Variants in DCX observed in about 807,000 individuals in gnomAD.
The protein encoded by DCX is doublecortin, also known as neuronal migration protein doublecortin.
Under a neutral mutation model 20.9 loss-of-function variants are expected in DCX, and 4 were observed. The observed-to-expected ratio is 0.19, with a 90% CI of 0.09 to 0.44. DCX has a LOEUF of 0.44. DCX is among the 20% of genes least tolerant of loss of function. The pLI is 0.99. For missense variants in DCX, 133 were observed against 296.9 expected, an observed-to-expected ratio of 0.45 and a Z score of 4.06; for synonymous variants, 103 against 111.4, an observed-to-expected ratio of 0.92 and a Z score of 0.47.
At chrX:111,350,725 C>T (rs907814786) in intron 3 of DCX, among the ~76,000 whole-genome samples, 4 of 112,246 alleles carry the variant, frequency 3.6e-5, no homozygotes, top group Admixed American at 2.8e-4. Flanking sequence ...ATATACACTT[C>T]TTCCTCTCAT....
intron 3 of DCX, among the ~76,000 whole-genome samples, chrX:111,337,150 G>A (rs910230660): frequency 9.0e-6 from 1 of 111,552 alleles, no homozygotes; most frequent in African/African-American, 3.3e-5. Flanking sequence ...TTACAAGGGG[G>A]CAACAGAAAT....
At chrX:111,355,032 A>T (rs1391111617) in intron 3 of DCX, among the ~76,000 whole-genome samples, 1 of 112,484 alleles carries the variant, frequency 8.9e-6, no homozygotes, top group Admixed American at 9.4e-5. Flanking sequence ...CAGCCTTTTC[A>T]GTCTAATTTT....
chrX:111,316,922 A>G (rs959253063), intron 5 of DCX, among the ~76,000 whole-genome samples: 1 of 112,306 alleles, frequency 8.9e-6, no homozygotes, highest in African/African-American at 3.2e-5. Context: ...AAGAAATCAG[A>G]GAAGACATAA....
chrX:111,400,420 T>C (rs1927679539), intron 3 of DCX, among the ~76,000 whole-genome samples: 2 of 111,518 alleles, frequency 1.8e-5, no homozygotes, highest in Admixed American at 9.5e-5. Context: ...AAACCATCAG[T>C]GGAACCAAAT....
chrX:111,406,485 C>G (rs2147270058), intron 2 of DCX, among the ~76,000 whole-genome samples: 1 of 111,405 alleles, frequency 9.0e-6, no homozygotes, highest in Non-Finnish European at 1.9e-5. Context: ...CTAAGTTTAA[C>G]CTTACAACCA....
At chrX:111,327,576 T>C (rs2095102373) in intron 5 of DCX, among the ~76,000 whole-genome samples, 1 of 112,407 alleles carries the variant, frequency 8.9e-6, no homozygotes, top group Non-Finnish European at 1.9e-5. Context: ...TCCTTATCTA[T>C]AGAGATTCAA....
chrX:111,395,133 T>A (rs1402977022), intron 3 of DCX, among the ~76,000 whole-genome samples: 1 of 111,604 alleles, frequency 9.0e-6, no homozygotes, highest in Non-Finnish European at 1.9e-5. Flanking sequence ...ACCAACACTA[T>A]GAGGTGGATA....
chrX:111,312,656 G>A lies in DCX; in HGVS notation c.1027C>T (p.Leu343Phe). The change falls in exon 6 of 7, where the codon CTC becomes TTC. Residue 343 changes from leucine (L) to phenylalanine (F), a missense_variant. Physicochemically the swap from Leu to Phe is conservative, Grantham distance 22. Coordinates refer to ENST00000636035, the MANE Select transcript of DCX (RefSeq NM_001195553.2). ...AGACATAATACCTTGTGCTTCCGGA[G>A]GCTGCCAGGACTGGTGGGCGTAGAG... ...PISTPTSPGS[L>F]RKHKVDLYLP... 1 of 1,211,710 alleles carries A rather than the reference G, an allele frequency of 8.3e-7. No homozygotes were observed. The highest frequency in any genetic ancestry group is 1.1e-6 in the Non-Finnish European group (1 of 895,393).
chrX:111,410,934 T>C, intron 1 of DCX: 2 of 1,211,210 alleles, frequency 1.7e-6, no homozygotes, highest in Non-Finnish European at 2.2e-6. Context: ...AAGCAGTCTT[T>C]GCATTTCAGT....
intron 3 of DCX, 28 bp from the exon 4 acceptor site, chrX:111,333,181 T>C: frequency 9.4e-7 from 1 of 1,062,105 alleles, no homozygotes; most frequent in South Asian, 1.9e-5. Context: ...ACACTGATTG[T>C]ATATGATGGT....
chrX:111,309,335 C>G (rs954321559), intron 6 of DCX, among the ~76,000 whole-genome samples: 54 of 112,269 alleles, frequency 4.8e-4, no homozygotes, highest in Middle Eastern at 4.6e-3. Context: ...CATCTGCTTC[C>G]TGTCTGCATC....
At chrX:111,308,185 A>T (rs765719246) in intron 6 of DCX, among the ~76,000 whole-genome samples, 16 of 112,201 alleles carry the variant, frequency 1.4e-4, no homozygotes, top group African/African-American at 4.8e-4. Flanking sequence ...TTGCACCTGA[A>T]ATTCATTTGC....
chrX:111,396,133 T>C (rs1248417526), intron 3 of DCX, among the ~76,000 whole-genome samples: 1 of 112,020 alleles, frequency 8.9e-6, no homozygotes, highest in Non-Finnish European at 1.9e-5. Flanking sequence ...AATTGAAACA[T>C]CCCTCATGCT....
At chrX:111,395,822 A>G (rs143820543) in intron 3 of DCX, among the ~76,000 whole-genome samples, 2,694 of 112,362 alleles carry the variant, frequency 0.024, 31 homozygotes, top group Non-Finnish European at 0.033. Flanking sequence ...AATGAGCCCA[A>G]TGTTGACTGA....
intron 3 of DCX, among the ~76,000 whole-genome samples, chrX:111,368,313 A>G (rs1924789044): frequency 9.0e-6 from 1 of 111,629 alleles, no homozygotes; most frequent in African/African-American, 3.3e-5. Flanking sequence ...CAGCTCTTCC[A>G]AAACCATAGT....
chrX:111,400,928 G>A (rs962129376), intron 3 of DCX, 62 bp downstream of exon 3: 1 of 997,290 alleles, frequency 1.0e-6, no homozygotes, highest in Non-Finnish European at 1.4e-6. Flanking sequence ...GATATTTTAG[G>A]TATAACATGA....
intron 1 of DCX, 25 bp from the exon 2 acceptor site, chrX:111,410,445 G>A: frequency 8.3e-7 from 1 of 1,206,267 alleles, no homozygotes; most frequent in Non-Finnish European, 1.1e-6. Flanking sequence ...AAGGGATGGG[G>A]GTGAAGAGAG....
intron 2 of DCX, among the ~76,000 whole-genome samples, chrX:111,409,800 C>G (rs989250877): frequency 9.0e-6 from 1 of 111,540 alleles, no homozygotes; most frequent in Non-Finnish European, 1.9e-5. Context: ...CTTTTTATAC[C>G]CTGGCAGATA....
intron 3 of DCX, among the ~76,000 whole-genome samples, chrX:111,386,245 C>T (rs1158817340): frequency 9.0e-6 from 1 of 111,258 alleles, no homozygotes; most frequent in African/African-American, 3.3e-5. Context: ...AGCAAGGTCC[C>T]TGTGGAGTAG....
Sources: allele counts gnomAD v4.1 joint callset (sites outside exome capture counted in the v4.1 genomes callset), GRCh38; gene constraint gnomAD v4.1.1; transcripts MANE v1.5; gene names NCBI Gene and HGNC (gene_info 2026-07-23, HGNC 2026-07-21).